The following CRY1 variants were observed in gnomAD, a reference collection of about 807,000 sequenced individuals.
The protein encoded by CRY1 is cryptochrome-1.
A neutral mutation model predicts 76.0 loss-of-function variants in CRY1; 45 were observed. The ratio of observed to expected loss-of-function variants is 0.59; its 90% CI spans 0.47 to 0.76. CRY1 has a LOEUF of 0.76. CRY1 is among the 30% of genes least tolerant of loss of function. The probability of loss-of-function intolerance (pLI) is 0.00; values close to 1 mark genes in which losing one functional copy is unlikely to be tolerated. For synonymous variants in CRY1, 248 were observed against 244.0 expected, an observed-to-expected ratio of 1.02 and a Z score of -0.15; for missense variants, 587 against 716.4, an observed-to-expected ratio of 0.82 and a Z score of 2.06.
chr12:107,012,829 G>A (rs1045272981), intron 2 of CRY1, among the ~76,000 whole-genome samples: 11 of 152,158 alleles, frequency 7.2e-5, no homozygotes, highest in Non-Finnish European at 4.4e-5. Context: ...ATGACTCTGA[G>A]GGGTTCAAGA....
chr12:107,088,666 G>GGTAGTTGTTTTTT (rs1386192155), intron 1 of CRY1, among the ~76,000 whole-genome samples: 1 of 152,162 alleles, frequency 6.6e-6, no homozygotes, highest in African/African-American at 2.4e-5. Context: ...CTAGTCTAAA[G>GGTAGTTGTTTTTT]GTATTTTGTT....
At chr12:107,058,004 C>T (rs1158774552) in intron 1 of CRY1, among the ~76,000 whole-genome samples, 1 of 150,514 alleles carries the variant, frequency 6.6e-6, no homozygotes, top group Non-Finnish European at 1.5e-5. Context: ...TGTAGTAAGC[C>T]ATGATCACAC....
intron 1 of CRY1, among the ~76,000 whole-genome samples, chr12:107,038,495 G>A (rs1372628599): frequency 1.3e-5 from 2 of 152,196 alleles, no homozygotes; most frequent in South Asian, 2.1e-4. Flanking sequence ...AAAAGAAATG[G>A]AGGAAGGAAA....
At chr12:107,040,919 TAA>T (rs34404696) in intron 1 of CRY1, among the ~76,000 whole-genome samples, 1 of 140,558 alleles carries the variant, frequency 7.1e-6, no homozygotes, top group Admixed American at 7.2e-5. Flanking sequence ...TATAAACCTT[TAA>T]AAAAAAAAAA....
intron 1 of CRY1, among the ~76,000 whole-genome samples, chr12:107,045,198 G>T (rs1218386811): frequency 1.3e-5 from 2 of 152,072 alleles, no homozygotes; most frequent in Middle Eastern, 3.4e-3. Flanking sequence ...AAGCTCACAG[G>T]CCAGGAGAAA....
chr12:106,995,360 A>G lies in CRY1; in HGVS notation c.1585+1934T>C, dbSNP rs958208530. On this transcript the variant is annotated intron_variant, in intron 10 of 12. Coordinates refer to ENST00000008527, the MANE Select transcript of CRY1 (RefSeq NM_004075.5). ...GATGCAGGACATTTCTGAATTCAAA[A>G]AGGTTCAGTTTTTAAAAGGTTTTAT... 3.9e-5 allele frequency among the ~76,000 whole-genome samples: 6 copies of G among 152,220 alleles called. No homozygotes were observed. In the South Asian group the frequency reaches 1.2e-3, roughly 32 times the overall value.
intron 1 of CRY1, among the ~76,000 whole-genome samples, chr12:107,085,935 A>G (rs1953394974): frequency 6.6e-6 from 1 of 152,204 alleles, no homozygotes; most frequent in Non-Finnish European, 1.5e-5. Flanking sequence ...AACTTTTTAG[A>G]GACTGGTTAA....
At chr12:107,055,549 G>A (rs916003682) in intron 1 of CRY1, among the ~76,000 whole-genome samples, 8 of 151,766 alleles carry the variant, frequency 5.3e-5, no homozygotes, top group Admixed American at 1.3e-4. Flanking sequence ...ATAAGTTAGC[G>A]TAAAAAAAAG....
rs142223870 is a variant in CRY1, at chr12:107,018,424, T to C, written c.267+3660A>G. On this transcript the variant is annotated intron_variant, in intron 2 of 12. Transcript: ENST00000008527. ...CCAATTGGCGAAACCCTTTCTCTGC[T>C]AAAAATACAAAAATTAGCAAGGTGT... Among the ~76,000 whole-genome samples the C allele has an allele frequency of 8.3e-3, 1,264 of 152,118 alleles. 15 individuals carry two copies. The highest frequency in any genetic ancestry group is 0.029 in the African/African-American group (1,186 of 41,496).
chr12:107,031,024 A>T (rs1023696129), intron 1 of CRY1, among the ~76,000 whole-genome samples: 4 of 152,226 alleles, frequency 2.6e-5, no homozygotes, highest in African/African-American at 9.6e-5. Flanking sequence ...AAATATATTC[A>T]AATCAATGTC....
intron 1 of CRY1, among the ~76,000 whole-genome samples, chr12:107,073,327 T>C (rs1953214741): frequency 6.6e-6 from 1 of 151,960 alleles, no homozygotes; most frequent in Non-Finnish European, 1.5e-5. Context: ...TCTGTCTCCC[T>C]GGTTCAACTG....
chr12:107,048,005 G>A (rs947160203), intron 1 of CRY1, among the ~76,000 whole-genome samples: 2 of 151,518 alleles, frequency 1.3e-5, no homozygotes, highest in Admixed American at 6.6e-5. Flanking sequence ...CCAATAGGTA[G>A]ACTAATATAG....
At chr12:107,049,856 T>G (rs1184507194) in intron 1 of CRY1, 1 of 152,220 alleles carries the variant, frequency 6.6e-6, no homozygotes, top group African/African-American at 2.4e-5. Flanking sequence ...GAAGTGCCTA[T>G]GAGACATCCA....
At chr12:107,080,369 C>T (rs371213218) in intron 1 of CRY1, among the ~76,000 whole-genome samples, 1 of 151,922 alleles carries the variant, frequency 6.6e-6, no homozygotes, top group East Asian at 1.9e-4. Flanking sequence ...CACACACGTC[C>T]GGGGATCAGG....
intron 1 of CRY1, among the ~76,000 whole-genome samples, chr12:107,046,452 A>C (rs1182237021): frequency 6.6e-6 from 1 of 152,174 alleles, no homozygotes; most frequent in Non-Finnish European, 1.5e-5. Context: ...CCAAACCACA[A>C]TGATAAACAA....
intron 1 of CRY1, among the ~76,000 whole-genome samples, chr12:107,042,363 T>C (rs1371793665): frequency 3.3e-5 from 5 of 151,892 alleles, no homozygotes; most frequent in Non-Finnish European, 7.4e-5. Flanking sequence ...AGAAGAAAAA[T>C]AGTAATTTTA....
chr12:107,086,576 T>A (rs1227741094), intron 1 of CRY1, among the ~76,000 whole-genome samples: 1 of 152,144 alleles, frequency 6.6e-6, no homozygotes, highest in Non-Finnish European at 1.5e-5. Flanking sequence ...CTCCCCACGT[T>A]CTGGCTGCTC....
At chr12:107,020,694 C>G (rs1399541039) in intron 2 of CRY1, among the ~76,000 whole-genome samples, 1 of 152,030 alleles carries the variant, frequency 6.6e-6, no homozygotes, top group Admixed American at 6.6e-5. Flanking sequence ...CCTGTACAGC[C>G]TGCAGAACTG....
intron 4 of CRY1, 89 bp from the exon 5 acceptor site, chr12:107,001,457 A>C: frequency 8.8e-7 from 1 of 1,131,660 alleles, no homozygotes; most frequent in Non-Finnish European, 1.3e-6. Flanking sequence ...ACTTTGCAGA[A>C]AAATTAAGAG....
Sources: allele counts gnomAD v4.1 joint callset (sites outside exome capture counted in the v4.1 genomes callset), GRCh38; gene constraint gnomAD v4.1.1; transcripts MANE v1.5; gene names NCBI Gene and HGNC (gene_info 2026-07-23, HGNC 2026-07-21).